PLCB1: variants seen among roughly 807,000 people sequenced by gnomAD.
PLCB1 encodes 1-phosphatidylinositol 4,5-bisphosphate phosphodiesterase beta-1.
PLCB1 carries 46 observed loss-of-function variants against 161.8 expected under a neutral mutation model. The observed-to-expected ratio is 0.28, with a 90% CI of 0.22 to 0.36. The LOEUF (loss-of-function observed/expected upper bound fraction) is 0.36, where lower values mean the gene tolerates loss of function less well. Ranked by LOEUF, PLCB1 falls within the 10% of genes least tolerant of loss-of-function variation. The pLI is 1.00. For synonymous variants in PLCB1, 517 were observed against 503.7 expected (o/e 1.03, Z -0.35); for missense variants, 1,016 against 1,472.5 (o/e 0.69, Z 5.07).
Position 8,882,533 on chromosome 20 carries a change from G to C in PLCB1, c.*684G>C. On this transcript the variant is annotated 3_prime_UTR_variant, in exon 32 of 32. Transcript: ENST00000338037. ...AAGCCATCCTAAGACTTAGCAATAT[G>C]GATTGTACATTTGGCTGCATGAGCA... 1 of 152,818 alleles carries C rather than the reference G, an allele frequency of 6.5e-6. No homozygotes were observed. The highest frequency in any genetic ancestry group is 1.9e-4 in the East Asian group (1 of 5,192). The allele number at this position is 152,818 out of a possible 1,614,324, so 9.5% of individuals were successfully genotyped here. A position where few individuals can be genotyped will look rare whatever the true frequency, so the allele number is the denominator to read the frequency against.
At chr20:8,648,596 G>T (rs1989229613) in intron 6 of PLCB1, among the ~76,000 whole-genome samples, 1 of 152,114 alleles carries the variant, frequency 6.6e-6, no homozygotes, top group African/African-American at 2.4e-5. Context: ...GTCATATCCA[G>T]CCAAAAGTCT....
intron 31 of PLCB1, among the ~76,000 whole-genome samples, chr20:8,847,658 A>G (rs527820484): frequency 2.0e-5 from 3 of 152,288 alleles, no homozygotes; most frequent in Admixed American, 6.5e-5. Context: ...CAGTTGCAAG[A>G]CTTGGACCAC....
At chr20:8,812,077 T>G (rs1984850717) in intron 31 of PLCB1, among the ~76,000 whole-genome samples, 1 of 152,078 alleles carries the variant, frequency 6.6e-6, no homozygotes. Flanking sequence ...ATTTTTCAAA[T>G]TCCTTTAACT....
At chr20:8,757,304 G>A in intron 24 of PLCB1, 126 bp downstream of exon 24, 1 of 943,900 alleles carries the variant, frequency 1.1e-6, no homozygotes. Flanking sequence ...GACTTAGGAG[G>A]AGCTCCGTCA....
chr20:8,436,505 T>C (rs1014750763), intron 3 of PLCB1, among the ~76,000 whole-genome samples: 1 of 152,122 alleles, frequency 6.6e-6, no homozygotes, highest in African/African-American at 2.4e-5. Flanking sequence ...GAAGAGATTG[T>C]TAATTTAAAA....
At chr20:8,796,057 T>A (rs563730014) in intron 31 of PLCB1, among the ~76,000 whole-genome samples, 6 of 152,298 alleles carry the variant, frequency 3.9e-5, no homozygotes, top group African/African-American at 1.4e-4. Context: ...AGTCAATAAA[T>A]GTGTAATTTA....
chr20:8,294,259 C>G (rs1000424671), intron 2 of PLCB1, among the ~76,000 whole-genome samples: 1 of 152,030 alleles, frequency 6.6e-6, no homozygotes, highest in Admixed American at 6.6e-5. Flanking sequence ...TTCTTCCACC[C>G]TTTATCCAGG....
intron 20 of PLCB1, among the ~76,000 whole-genome samples, chr20:8,738,803 A>C (rs975635147): frequency 4.6e-5 from 7 of 152,196 alleles, no homozygotes; most frequent in African/African-American, 1.7e-4. Flanking sequence ...TTATAGGGCA[A>C]CATCTCAACT....
intron 3 of PLCB1, among the ~76,000 whole-genome samples, chr20:8,508,600 T>G (rs972672917): frequency 6.6e-6 from 1 of 152,084 alleles, no homozygotes; most frequent in Non-Finnish European, 1.5e-5. Flanking sequence ...ACCAAATGAG[T>G]GAATTCAAGT....
intron 2 of PLCB1, among the ~76,000 whole-genome samples, chr20:8,268,961 T>C (rs1025720891): frequency 1.3e-5 from 2 of 152,156 alleles, no homozygotes; most frequent in East Asian, 3.8e-4. Context: ...TCAGTGCACA[T>C]GTATGTATTG....
chr20:8,863,790 C>A (rs1175608632), intron 31 of PLCB1, among the ~76,000 whole-genome samples: 1 of 152,148 alleles, frequency 6.6e-6, no homozygotes, highest in Admixed American at 6.5e-5. Flanking sequence ...GTTTTTTCTA[C>A]CTCTGAAGAA....
At chr20:8,189,108 C>G (rs1417682181) in intron 2 of PLCB1, among the ~76,000 whole-genome samples, 1 of 151,862 alleles carries the variant, frequency 6.6e-6, no homozygotes, top group Non-Finnish European at 1.5e-5. Context: ...TTCTAGGATT[C>G]CGCATATAAG....
intron 2 of PLCB1, among the ~76,000 whole-genome samples, chr20:8,229,882 A>ATAAAATAACATAAAT (rs780358887): frequency 6.7e-6 from 1 of 148,364 alleles, no homozygotes; most frequent in Non-Finnish European, 1.5e-5. Context: ...ATAAAATAAA[A>ATAAAATAACATAAAT]TAAAAATAAA....
chr20:8,743,835 G>T lies in PLCB1; in HGVS notation c.2523+2262G>T, dbSNP rs188816628. On this transcript the variant is annotated intron_variant, in intron 23 of 31. Transcript: ENST00000338037. ...TTTCTCTTTTCCATGGCCTTTAAAAGATTAAGAAAGACTGTTCTATGAGTT... is the reference window on the plus strand; with the variant it reads ...TTTCTCTTTTCCATGGCCTTTAAAATATTAAGAAAGACTGTTCTATGAGTT... Among the ~76,000 whole-genome samples, 418 of 152,144 alleles carry T rather than the reference G, an allele frequency of 2.7e-3. 1 individual carries two copies. Among genetic ancestry groups the T allele is most frequent in the Non-Finnish European group, 4.7e-3 (318 of 68,004 alleles).
At chr20:8,539,600 T>C (rs1424050221) in intron 3 of PLCB1, among the ~76,000 whole-genome samples, 1 of 150,102 alleles carries the variant, frequency 6.7e-6, no homozygotes, top group East Asian at 1.9e-4. Context: ...GGGTAGATAC[T>C]TGCCTCTTTT....
chr20:8,678,107 G>A (rs1351826602), intron 9 of PLCB1, among the ~76,000 whole-genome samples: 1 of 152,128 alleles, frequency 6.6e-6, no homozygotes, highest in Non-Finnish European at 1.5e-5. Flanking sequence ...TTTGGAGTTG[G>A]ACTGGAGATA....
intron 10 of PLCB1, among the ~76,000 whole-genome samples, chr20:8,694,299 A>C (rs1030911492): frequency 6.6e-5 from 10 of 152,226 alleles, no homozygotes; most frequent in Non-Finnish European, 1.3e-4. Context: ...GTTTTCTCAA[A>C]GTATGCTTTC....
At chr20:8,571,897 C>A (rs116215073) in intron 3 of PLCB1, among the ~76,000 whole-genome samples, 5,058 of 152,108 alleles carry the variant, frequency 0.033, 276 homozygotes, top group African/African-American at 0.11. Context: ...AACTGAGGGG[C>A]CCTTTTCCAA....
intron 3 of PLCB1, among the ~76,000 whole-genome samples, chr20:8,524,916 G>A (rs1984521625): frequency 6.6e-6 from 1 of 152,140 alleles, no homozygotes; most frequent in Non-Finnish European, 1.5e-5. Flanking sequence ...GCCACAGCTG[G>A]GAACATTACT....
Sources: allele counts gnomAD v4.1 joint callset (sites outside exome capture counted in the v4.1 genomes callset), GRCh38; gene constraint gnomAD v4.1.1; transcripts MANE v1.5; gene names NCBI Gene and HGNC (gene_info 2026-07-23, HGNC 2026-07-21).